NALF1: variants seen among roughly 807,000 people sequenced by gnomAD.
NALF1 encodes NALCN channel auxiliary factor 1.
A neutral mutation model predicts 48.4 loss-of-function variants in NALF1; 3 were observed. The ratio of observed to expected loss-of-function variants is 0.06; its 90% confidence interval spans 0.03 to 0.16. The LOEUF is 0.16. Ranked by LOEUF, NALF1 falls within the 10% of genes least tolerant of loss-of-function variation. The pLI is 1.00. For missense variants in NALF1, 526 were observed against 571.5 expected (o/e 0.92, Z 0.81); for synonymous variants, 262 against 245.7 (o/e 1.07, Z -0.62).
intron 1 of NALF1, among the ~76,000 whole-genome samples, chr13:107,590,905 C>A (rs953912406): frequency 4.0e-5 from 6 of 151,856 alleles, no homozygotes; most frequent in Admixed American, 3.9e-4. Flanking sequence ...ACCTGAAATC[C>A]CCCTACATTA....
rs1881064859 is a variant in NALF1, at chr13:107,267,438, TAAA to T, written c.916-56686_916-56684del. Among the ~76,000 whole-genome samples the T allele has an allele frequency of 4.6e-5, 7 of 152,064 alleles. No individual in the cohort carries two copies. The South Asian group carries it at 1.5e-3, about 32-fold the overall frequency. On this transcript the variant is annotated intron_variant, in intron 1 of 2. Transcript: ENST00000375915. ...GGCATGACCATAAAAAAAAACAACA[TAAA>T]GAATCTTTATAGCGAGAGCGCTGTG...
intron 1 of NALF1, among the ~76,000 whole-genome samples, chr13:107,240,512 T>C (rs1480178277): frequency 1.3e-5 from 2 of 152,230 alleles, no homozygotes; most frequent in African/African-American, 4.8e-5. Context: ...ATTTAGTAAG[T>C]GGTTATCTAT....
intron 1 of NALF1, among the ~76,000 whole-genome samples, chr13:107,756,665 C>T (rs1052505315): frequency 2.6e-5 from 4 of 151,976 alleles, no homozygotes; most frequent in Non-Finnish European, 5.9e-5. Flanking sequence ...GCTTATGGCC[C>T]CCAAACCATG....
chr13:107,724,075 T>A (rs983570398), intron 1 of NALF1, among the ~76,000 whole-genome samples: 1 of 152,164 alleles, frequency 6.6e-6, no homozygotes, highest in African/African-American at 2.4e-5. Flanking sequence ...GACGTAATAC[T>A]GCTTACAAAG....
At chr13:107,520,907 C>T (rs1279286797) in intron 1 of NALF1, among the ~76,000 whole-genome samples, 1 of 152,134 alleles carries the variant, frequency 6.6e-6, no homozygotes, top group Non-Finnish European at 1.5e-5. Flanking sequence ...GTCCATGCAG[C>T]AGTGGGGTCC....
intron 1 of NALF1, among the ~76,000 whole-genome samples, chr13:107,665,685 G>A (rs1382423217): frequency 1.3e-5 from 2 of 151,712 alleles, no homozygotes; most frequent in Non-Finnish European, 2.9e-5. Context: ...TTTGTGTCTT[G>A]TAAGTTGTCT....
intron 1 of NALF1, among the ~76,000 whole-genome samples, chr13:107,398,199 TGC>T (rs1401984551): frequency 7.2e-5 from 11 of 152,280 alleles, no homozygotes; most frequent in African/African-American, 2.6e-4. Context: ...AAACGATCAT[TGC>T]TTACGTATTT....
chr13:107,596,870 T>C (rs1878768409), intron 1 of NALF1, among the ~76,000 whole-genome samples: 2 of 152,224 alleles, frequency 1.3e-5, no homozygotes, highest in African/African-American at 4.8e-5. Flanking sequence ...TTTCTATTTT[T>C]TTCCCATGTT....
intron 1 of NALF1, among the ~76,000 whole-genome samples, chr13:107,569,251 C>G (rs993784613): frequency 6.6e-6 from 1 of 151,914 alleles, no homozygotes; most frequent in Non-Finnish European, 1.5e-5. Flanking sequence ...GGGTGGATCA[C>G]GAGGTCAGGA....
At chr13:107,798,679 T>C (rs1188642566) in intron 1 of NALF1, among the ~76,000 whole-genome samples, 3 of 152,174 alleles carry the variant, frequency 2.0e-5, no homozygotes, top group Non-Finnish European at 4.4e-5. Flanking sequence ...ATTCTATCAG[T>C]TTGGAATGTA....
At chr13:107,485,871 G>C (rs886690444) in intron 1 of NALF1, among the ~76,000 whole-genome samples, 5 of 152,138 alleles carry the variant, frequency 3.3e-5, no homozygotes, top group African/African-American at 4.8e-5. Flanking sequence ...GGATGGCTTT[G>C]CACATGCAAA....
intron 1 of NALF1, among the ~76,000 whole-genome samples, chr13:107,664,819 A>T (rs1880815804): frequency 6.6e-6 from 1 of 152,068 alleles, no homozygotes; most frequent in African/African-American, 2.4e-5. Context: ...GTTTTTCTGT[A>T]AGTACTACTG....
At chr13:107,471,404 T>G (rs551227630) in intron 1 of NALF1, among the ~76,000 whole-genome samples, 1 of 152,050 alleles carries the variant, frequency 6.6e-6, no homozygotes, top group African/African-American at 2.4e-5. Flanking sequence ...AGGGATGGGG[T>G]TTGCAGTTGG....
intron 1 of NALF1, among the ~76,000 whole-genome samples, chr13:107,859,205 T>A (rs891422005): frequency 6.6e-5 from 10 of 152,206 alleles, no homozygotes; most frequent in Non-Finnish European, 1.3e-4. Flanking sequence ...AATTTCTTAA[T>A]GTTGATAGAA....
rs1192707023 is a variant in NALF1, at chr13:107,298,351, CAAAAAAAAAAAAA to C, written c.916-87609_916-87597del. On this transcript the variant is annotated intron_variant, in intron 1 of 2. Coordinates refer to ENST00000375915, the MANE Select transcript of NALF1 (RefSeq NM_001080396.3). ...GGCGACAGAGAGAGAGACTCCATCT[CAAAAAAAAAAAAA>C]AAAAAAAAAAAAAAAAGACAAAAAG... Among the ~76,000 whole-genome samples the C allele has an allele frequency of 2.7e-3, 45 of 16,622 alleles. 1 individual carries two copies. Among genetic ancestry groups the C allele is most frequent in the Non-Finnish European group, 4.3e-3 (40 of 9,334 alleles). The allele number at this position is 16,622 out of a possible 152,430, so 10.9% of individuals were successfully genotyped here.
intron 1 of NALF1, among the ~76,000 whole-genome samples, chr13:107,691,675 G>T (rs1443255588): frequency 6.6e-6 from 1 of 152,136 alleles, no homozygotes; most frequent in African/African-American, 2.4e-5. Context: ...GTTGTGCTTT[G>T]ATGGTTTTTG....
chr13:107,319,279 G>T (rs1882209113), intron 1 of NALF1, among the ~76,000 whole-genome samples: 1 of 152,104 alleles, frequency 6.6e-6, no homozygotes, highest in African/African-American at 2.4e-5. Context: ...TGGGACAGAA[G>T]AACGCTGTGA....
At chr13:107,582,962 A>G (rs771376045) in intron 1 of NALF1, among the ~76,000 whole-genome samples, 9 of 152,106 alleles carry the variant, frequency 5.9e-5, no homozygotes, top group Non-Finnish European at 1.0e-4. Context: ...GATTCCTGGT[A>G]TATCACCTTT....
chr13:107,511,311 A>C (rs1345157027), intron 1 of NALF1, among the ~76,000 whole-genome samples: 1 of 152,180 alleles, frequency 6.6e-6, no homozygotes, highest in Non-Finnish European at 1.5e-5. Flanking sequence ...TTTAAAATAT[A>C]TGACATGTGA....
Sources: gnomAD v4.1 joint callset for allele counts (sites outside exome capture counted in the v4.1 genomes callset) on GRCh38, gnomAD v4.1.1 for gene constraint, MANE v1.5 for transcripts, NCBI Gene and HGNC (gene_info 2026-07-23, HGNC 2026-07-21) for gene names.